DPYS: variants seen among roughly 807,000 people sequenced by gnomAD.
DPYS encodes dihydropyrimidinase, also known as dihydropyrimidine amidohydrolase.
Under a neutral mutation model 50.3 loss-of-function variants are expected in DPYS, and 39 were observed. The observed-to-expected ratio is 0.78, with a 90% CI of 0.60 to 1.01. DPYS has a LOEUF of 1.01. DPYS is among the 50% of genes least tolerant of loss of function. The pLI is 0.00. For missense variants in DPYS, 659 were observed against 680.9 expected (o/e 0.97, Z 0.36); for synonymous variants, 245 against 250.7 (o/e 0.98, Z 0.22).
At chr8:104,415,261 A>G (rs1329272676) in intron 7 of DPYS, among the ~76,000 whole-genome samples, 7 of 152,236 alleles carry the variant, frequency 4.6e-5, no homozygotes. Context: ...TAGTTAGGAA[A>G]GCCTATGCCT....
intron 2 of DPYS, among the ~76,000 whole-genome samples, chr8:104,450,266 A>AT (rs1813692622): frequency 1.3e-5 from 2 of 152,134 alleles, no homozygotes; most frequent in South Asian, 4.1e-4. Flanking sequence ...TAAAAATGGC[A>AT]TTTTTGGAGA....
intron 8 of DPYS, among the ~76,000 whole-genome samples, chr8:104,381,896 AAAT>A (rs1811065667): frequency 6.6e-6 from 1 of 152,040 alleles, no homozygotes; most frequent in African/African-American, 2.4e-5. Context: ...ACACACAGAC[AAAT>A]AACAAATTAT....
At chr8:104,394,030 C>G (rs1468045585) in intron 7 of DPYS, among the ~76,000 whole-genome samples, 1 of 152,208 alleles carries the variant, frequency 6.6e-6, no homozygotes, top group East Asian at 1.9e-4. Context: ...TAGCTTTGCT[C>G]CCACTTATGA....
chr8:104,416,709 A>G (rs1812382045), intron 7 of DPYS, among the ~76,000 whole-genome samples: 1 of 152,156 alleles, frequency 6.6e-6, no homozygotes, highest in African/African-American at 2.4e-5. Flanking sequence ...GAGGAGGATT[A>G]TAACGCACAA....
chr8:104,451,851 T>C (rs1813753604), intron 1 of DPYS, among the ~76,000 whole-genome samples: 2 of 152,222 alleles, frequency 1.3e-5, no homozygotes, highest in Admixed American at 1.3e-4. Flanking sequence ...GGTTCCGGTC[T>C]TGCCTCCATT....
chr8:104,398,226 G>A (rs1433576079), intron 7 of DPYS, among the ~76,000 whole-genome samples: 1 of 152,240 alleles, frequency 6.6e-6, no homozygotes, highest in Admixed American at 6.5e-5. Flanking sequence ...TGGTGACACA[G>A]GAAGCAGCTA....
intron 1 of DPYS, among the ~76,000 whole-genome samples, chr8:104,456,061 G>A (rs1212583076): frequency 6.6e-6 from 1 of 152,024 alleles, no homozygotes; most frequent in Non-Finnish European, 1.5e-5. Context: ...TCTATGTTTA[G>A]CAATGTTTAG....
At chr8:104,420,093 G>A (rs1260088818) in intron 7 of DPYS, 2 of 152,320 alleles carry the variant, frequency 1.3e-5, no homozygotes, top group East Asian at 3.9e-4. Flanking sequence ...AAGGAAGACA[G>A]ATTGTGGTAC....
At chr8:104,429,521 C>T in intron 5 of DPYS, 24 bp downstream of exon 5, 1 of 1,613,872 alleles carries the variant, frequency 6.2e-7, no homozygotes. Context: ...CAATACACTT[C>T]CCAGTCATCT....
chr8:104,429,435 T>C lies in DPYS; in HGVS notation c.950+110A>G, dbSNP rs1047990670. On this transcript the variant is annotated intron_variant, in intron 5 of 9. Transcript: ENST00000351513. ...GGTACCCAGGACCTGACAGGTCAAG[T>C]AGAAGAGAATACTGGGAGGTTAGTG... The C allele has an allele frequency of 9.6e-6, 14 of 1,460,994 alleles. No homozygotes were observed. The Admixed American group carries it at 1.2e-4, about 13-fold the overall frequency. 90.5% of individuals were successfully genotyped at this position (1,460,994 alleles called of 1,614,324 possible). A position where few individuals can be genotyped will look rare whatever the true frequency, so the allele number is the denominator to read the frequency against.
chr8:104,418,398 G>A (rs1294510103), intron 7 of DPYS, among the ~76,000 whole-genome samples: 1 of 151,950 alleles, frequency 6.6e-6, no homozygotes, highest in South Asian at 2.1e-4. Context: ...AATCAGGCAC[G>A]TAAAATTTAA....
chr8:104,449,108 A>T (rs1323071433), intron 2 of DPYS, among the ~76,000 whole-genome samples: 1 of 152,226 alleles, frequency 6.6e-6, no homozygotes, highest in Non-Finnish European at 1.5e-5. Context: ...CAAGTGATGG[A>T]ATGTGCTCCA....
chr8:104,427,725 C>T (rs990430730), intron 6 of DPYS, among the ~76,000 whole-genome samples: 1 of 152,132 alleles, frequency 6.6e-6, no homozygotes, highest in African/African-American at 2.4e-5. Flanking sequence ...TTAATTCATC[C>T]TCTAATGTCT....
chr8:104,396,633 G>GA (rs1811597150), intron 7 of DPYS, among the ~76,000 whole-genome samples: 1 of 152,094 alleles, frequency 6.6e-6, no homozygotes, highest in Non-Finnish European at 1.5e-5. Context: ...ATGTCTACCA[G>GA]AAAAATATAT....
At chr8:104,457,498 G>C (rs1813966179) in intron 1 of DPYS, among the ~76,000 whole-genome samples, 2 of 152,198 alleles carry the variant, frequency 1.3e-5, no homozygotes, top group South Asian at 2.1e-4. Context: ...GTACACTACT[G>C]TATCCAAATG....
chr8:104,439,329 G>C (rs1813261660), intron 4 of DPYS, among the ~76,000 whole-genome samples: 1 of 152,032 alleles, frequency 6.6e-6, no homozygotes, highest in Non-Finnish European at 1.5e-5. Context: ...AATGAGCTGA[G>C]GGAGATAGAA....
intron 5 of DPYS, chr8:104,429,185 G>T (rs147433884): frequency 2.8e-4 from 71 of 257,092 alleles, no homozygotes; most frequent in African/African-American, 1.5e-3. Context: ...AAAGTAACAG[G>T]GTTAACCTAG....
At chr8:104,455,302 G>A (rs149639890) in intron 1 of DPYS, among the ~76,000 whole-genome samples, 148 of 152,286 alleles carry the variant, frequency 9.7e-4, no homozygotes, top group Non-Finnish European at 1.9e-3. Flanking sequence ...AGAAGATCTG[G>A]GGGGAAGAGG....
At chr8:104,403,723 A>G (rs1371512934) in intron 7 of DPYS, among the ~76,000 whole-genome samples, 2 of 152,230 alleles carry the variant, frequency 1.3e-5, no homozygotes, top group African/African-American at 4.8e-5. Flanking sequence ...GTAGTTTGAC[A>G]CTGGAAAATA....
Sources: gnomAD v4.1 joint callset for allele counts (sites outside exome capture counted in the v4.1 genomes callset) on GRCh38, gnomAD v4.1.1 for gene constraint, MANE v1.5 for transcripts, NCBI Gene and HGNC (gene_info 2026-07-23, HGNC 2026-07-21) for gene names.